The following KIAA1755 variants were observed in gnomAD, a reference collection of about 807,000 sequenced individuals.
KIAA1755 encodes KIAA1755.
In KIAA1755, 68 loss-of-function variants were observed where a neutral mutation model predicts 91.7. The ratio of observed to expected loss-of-function variants is 0.74; its 90% CI spans 0.61 to 0.91. The LOEUF (loss-of-function observed/expected upper bound fraction) is 0.91, where lower values mean the gene tolerates loss of function less well. Among genes scored for constraint, KIAA1755 ranks in the 40% least tolerant of loss-of-function variants. KIAA1755 has a pLI of 0.00. For synonymous variants in KIAA1755, 610 were observed against 604.6 expected (o/e 1.01, Z -0.13); for missense variants, 1,535 against 1,494.4 (o/e 1.03, Z -0.45).
At chr20:38,249,418 G>T (rs923877614) in intron 1 of KIAA1755, among the ~76,000 whole-genome samples, 1 of 152,210 alleles carries the variant, frequency 6.6e-6, no homozygotes, top group Non-Finnish European at 1.5e-5. Flanking sequence ...TGAGGCCCCT[G>T]AAGAAAGAGA....
intron 1 of KIAA1755, among the ~76,000 whole-genome samples, chr20:38,254,183 C>A (rs966196376): frequency 6.6e-6 from 1 of 152,214 alleles, no homozygotes; most frequent in Non-Finnish European, 1.5e-5. Context: ...CTGCACCCAG[C>A]TGGACTGAGC....
chr20:38,239,743 C>T lies in KIAA1755; in HGVS notation c.1550-18G>A. On this transcript the variant is annotated intron_variant, in intron 3 of 13. Transcript: ENST00000279024. ...TGTTCCAGCTGGGAAAAAGCAACAA[C>T]AAAGAAAAGGACGTTAAGCAGAAGA... is the stretch of plus-strand genomic sequence containing the variant. 2 of 1,607,710 alleles carry T rather than the reference C, an allele frequency of 1.2e-6. No individual in the cohort carries two copies. The highest frequency in any genetic ancestry group is 1.7e-6 in the Non-Finnish European group (2 of 1,178,680).
At chr20:38,220,296 CCTTT>C (rs1191687851) in intron 10 of KIAA1755, among the ~76,000 whole-genome samples, 2 of 150,858 alleles carry the variant, frequency 1.3e-5, no homozygotes, top group Non-Finnish European at 3.0e-5. Context: ...CTGATGTTTC[CCTTT>C]TTTTTTTTTT....
chr20:38,247,665 T>G (rs2076181245), intron 1 of KIAA1755, among the ~76,000 whole-genome samples: 1 of 152,224 alleles, frequency 6.6e-6, no homozygotes, highest in South Asian at 2.1e-4. Context: ...AAAGGGGAGT[T>G]AAGGCTACCA....
Position 38,210,953 on chromosome 20 carries a change from G to A in KIAA1755, c.*2089C>T, listed in dbSNP as rs1233847353. On this transcript the variant is annotated 3_prime_UTR_variant, in exon 14 of 14. Transcript: ENST00000279024. ...AATGCAAGAATCAAACCTGGCTTTG[G>A]GTGGAGGACTCAGGCCCCAGCCCCG... is the stretch of plus-strand genomic sequence containing the variant. 1 of 152,278 alleles carries A rather than the reference G, an allele frequency of 6.6e-6. No individual in the cohort carries two copies. Among genetic ancestry groups the A allele is most frequent in the African/African-American group, 2.4e-5 (1 of 41,442 alleles). 9.4% of individuals were successfully genotyped at this position (152,278 alleles called of 1,614,324 possible). A position where few individuals can be genotyped will look rare whatever the true frequency, so the allele number is the denominator to read the frequency against.
chr20:38,222,829 T>G (rs1371877228), intron 9 of KIAA1755: 1 of 596,340 alleles, frequency 1.7e-6, no homozygotes, highest in Admixed American at 2.8e-5. Flanking sequence ...CATTCCAGCC[T>G]CTTCGCTGAT....
At chr20:38,214,420 G>A (rs930317759) in intron 13 of KIAA1755, among the ~76,000 whole-genome samples, 5 of 152,208 alleles carry the variant, frequency 3.3e-5, no homozygotes, top group East Asian at 1.9e-4. Context: ...TGTGAGGGAG[G>A]AGTCTGCCTA....
chr20:38,232,179 T>G (rs2075877203), intron 4 of KIAA1755, among the ~76,000 whole-genome samples: 1 of 152,206 alleles, frequency 6.6e-6, no homozygotes, highest in Admixed American at 6.5e-5. Context: ...CCACTCCACG[T>G]GGGCACCACC....
intron 10 of KIAA1755, 80 bp downstream of exon 10, chr20:38,222,369 C>G: frequency 2.7e-6 from 4 of 1,477,992 alleles, no homozygotes; most frequent in Non-Finnish European, 3.7e-6. Context: ...TATGTGTGCC[C>G]TAGGTGGTGT....
intron 13 of KIAA1755, 83 bp downstream of exon 13, chr20:38,217,170 G>A: frequency 8.1e-7 from 1 of 1,229,190 alleles, no homozygotes; most frequent in Non-Finnish European, 1.1e-6. Context: ...AGGCCATGGG[G>A]CTGTGTCTAG....
intron 6 of KIAA1755, among the ~76,000 whole-genome samples, chr20:38,227,899 T>C (rs2075789628): frequency 6.6e-6 from 1 of 152,210 alleles, no homozygotes; most frequent in African/African-American, 2.4e-5. Context: ...AGGAACCAGG[T>C]TCTAATGATA....
chr20:38,223,526 C>A lies in KIAA1755; in HGVS notation c.2268+12G>T. The A allele has an allele frequency of 1.3e-6, 2 of 1,565,632 alleles. No individual in the cohort carries two copies. Among genetic ancestry groups the A allele is most frequent in the Non-Finnish European group, 1.7e-6 (2 of 1,160,738 alleles). ...TGATGTAGCTTCCCCAGTCACCATG[C>A]TCCAGGCTCACCTGCATCCCCCCAG... On this transcript the variant is annotated intron_variant, in intron 9 of 13. Transcript: ENST00000279024.
At chr20:38,250,862 TG>T (rs897775538) in intron 1 of KIAA1755, among the ~76,000 whole-genome samples, 1 of 151,846 alleles carries the variant, frequency 6.6e-6, no homozygotes, top group African/African-American at 2.4e-5. Context: ...CAGGCACATG[TG>T]GGGGCAAGGG....
At chr20:38,217,939 G>C (rs950578777) in intron 12 of KIAA1755, 1 of 448,518 alleles carries the variant, frequency 2.2e-6, no homozygotes, top group Non-Finnish European at 4.0e-6. Context: ...CGTTGATGCA[G>C]CTTCCCTGCC....
Position 38,260,658 on chromosome 20 carries a change from A to AG in KIAA1755, c.-159dup. 4 of 812,334 alleles carry AG rather than the reference A, an allele frequency of 4.9e-6. No individual in the cohort carries two copies. Among genetic ancestry groups the AG allele is most frequent in the Non-Finnish European group, 6.9e-6 (4 of 581,004 alleles). The allele number at this position is 812,334 out of a possible 1,614,324, so 50.3% of individuals were successfully genotyped here. Reference sequence around the variant, plus strand: ...GGCACCGACCCCGGCGTCATCTCGGAGGAGCGGCCGGGGAGGACAGGGAGA... The same window carrying AG: ...GGCACCGACCCCGGCGTCATCTCGGAGGGAGCGGCCGGGGAGGACAGGGAGA... On this transcript the variant is annotated 5_prime_UTR_variant, in exon 1 of 14. The change abolishes the stop of an existing upstream ORF in the 5' untranslated region. Coordinates refer to ENST00000279024, the MANE Select transcript of KIAA1755 (RefSeq NM_001029864.2).
At chr20:38,246,179 A>C in intron 1 of KIAA1755, 53 bp from the exon 2 acceptor site, 1 of 1,491,536 alleles carries the variant, frequency 6.7e-7, no homozygotes, top group Non-Finnish European at 9.2e-7. Context: ...AAGGGCAGAG[A>C]CCACTTCCCG....
intron 1 of KIAA1755, 110 bp from the exon 2 acceptor site, chr20:38,246,236 C>T (rs1367140858): frequency 2.1e-5 from 18 of 855,664 alleles, no homozygotes; most frequent in African/African-American, 2.0e-4. Flanking sequence ...AATTCTCTGA[C>T]CTCCTCTCCT....
intron 13 of KIAA1755, among the ~76,000 whole-genome samples, chr20:38,215,194 G>A (rs1287331341): frequency 6.6e-6 from 1 of 152,158 alleles, no homozygotes; most frequent in Non-Finnish European, 1.5e-5. Flanking sequence ...CTTATTGAAC[G>A]GATTGAAATT....
intron 1 of KIAA1755, among the ~76,000 whole-genome samples, chr20:38,247,866 A>T (rs1343106415): frequency 6.6e-6 from 1 of 152,166 alleles, no homozygotes; most frequent in African/African-American, 2.4e-5. Flanking sequence ...AGGTGGGAGG[A>T]TCGCCTGAGG....
Sources: allele counts gnomAD v4.1 joint callset (sites outside exome capture counted in the v4.1 genomes callset), GRCh38; gene constraint gnomAD v4.1.1; transcripts MANE v1.5; gene names NCBI Gene and HGNC (gene_info 2026-07-23, HGNC 2026-07-21).